The following PRKG1 variants were observed in gnomAD, a reference collection of about 807,000 sequenced individuals.
The protein encoded by PRKG1 is cGMP-dependent protein kinase 1.
PRKG1 carries 35 observed loss-of-function variants against 88.1 expected under a neutral mutation model. The ratio of observed to expected loss-of-function variants is 0.40; its 90% CI spans 0.30 to 0.53. The LOEUF is 0.53. Ranked by LOEUF, PRKG1 falls within the 20% of genes least tolerant of loss-of-function variation. PRKG1 has a pLI of 0.59. For synonymous variants in PRKG1, 303 were observed against 292.5 expected, an observed-to-expected ratio of 1.04 and a Z score of -0.37; for missense variants, 540 against 839.8, an observed-to-expected ratio of 0.64 and a Z score of 4.41.
chr10:51,262,391 A>G (rs181515865), intron 2 of PRKG1, among the ~76,000 whole-genome samples: 1 of 152,274 alleles, frequency 6.6e-6, no homozygotes, highest in East Asian at 1.9e-4. Flanking sequence ...TGACATCCTT[A>G]TCAAATAATA....
chr10:51,191,127 A>G (rs916711780), intron 2 of PRKG1, among the ~76,000 whole-genome samples: 9 of 151,880 alleles, frequency 5.9e-5, no homozygotes, highest in African/African-American at 2.2e-4. Context: ...TGAATCTCTG[A>G]CCATCCAGAT....
intron 3 of PRKG1, among the ~76,000 whole-genome samples, chr10:51,589,228 A>G (rs937054838): frequency 6.6e-6 from 1 of 152,176 alleles, no homozygotes; most frequent in Non-Finnish European, 1.5e-5. Flanking sequence ...AGGCTACAAG[A>G]CAAAACAAAC....
At chr10:50,998,706 C>T (rs1480624504) in intron 1 of PRKG1, among the ~76,000 whole-genome samples, 4 of 152,194 alleles carry the variant, frequency 2.6e-5, no homozygotes, top group African/African-American at 9.7e-5. Context: ...CAAGATCGTG[C>T]CCCTGCACTC....
intron 8 of PRKG1, among the ~76,000 whole-genome samples, chr10:52,154,891 T>C (rs1838047634): frequency 6.6e-6 from 1 of 152,218 alleles, no homozygotes; most frequent in African/African-American, 2.4e-5. Context: ...TGAGACATGA[T>C]ATTTGGCTTT....
chr10:51,190,305 G>T (rs1219625997), intron 2 of PRKG1, among the ~76,000 whole-genome samples: 1 of 151,888 alleles, frequency 6.6e-6, no homozygotes, highest in Non-Finnish European at 1.5e-5. Flanking sequence ...GATGGATTAT[G>T]AAAATTATTG....
chr10:51,648,062 A>G (rs1839957280), intron 3 of PRKG1, among the ~76,000 whole-genome samples: 1 of 151,448 alleles, frequency 6.6e-6, no homozygotes, highest in Non-Finnish European at 1.5e-5. Flanking sequence ...ACACACACAC[A>G]CACATATGTA....
chr10:52,075,303 G>T (rs561798972), intron 7 of PRKG1, among the ~76,000 whole-genome samples: 1 of 152,120 alleles, frequency 6.6e-6, no homozygotes, highest in Non-Finnish European at 1.5e-5. Context: ...GTTGTAAGAC[G>T]CAGTATTATT....
chr10:51,217,240 A>G (rs1838396136), intron 2 of PRKG1, among the ~76,000 whole-genome samples: 1 of 152,182 alleles, frequency 6.6e-6, no homozygotes, highest in Non-Finnish European at 1.5e-5. Flanking sequence ...ACCTGGAAAT[A>G]TTCTCTGAGT....
At chr10:51,970,716 AT>A (rs1564733832) in intron 5 of PRKG1, among the ~76,000 whole-genome samples, 3 of 124,440 alleles carry the variant, frequency 2.4e-5, no homozygotes, top group African/African-American at 1.4e-4. Context: ...CATCTGATAT[AT>A]ATATATCAGA....
intron 2 of PRKG1, among the ~76,000 whole-genome samples, chr10:51,165,049 G>T (rs535022640): frequency 0.014 from 2,134 of 152,074 alleles, 24 homozygotes; most frequent in Middle Eastern, 0.088. Context: ...TACAGAGAAC[G>T]CCACAAAGAT....
intron 3 of PRKG1, among the ~76,000 whole-genome samples, chr10:51,500,161 A>G (rs1440862411): frequency 6.6e-6 from 1 of 152,088 alleles, no homozygotes; most frequent in Middle Eastern, 3.2e-3. Context: ...TTTCTTCAGC[A>G]TTTGCTTTTT....
At chr10:51,984,764 A>C (rs1844109058) in intron 5 of PRKG1, among the ~76,000 whole-genome samples, 1 of 152,192 alleles carries the variant, frequency 6.6e-6, no homozygotes, top group African/African-American at 2.4e-5. Context: ...ATGCTGCTTG[A>C]GTTTTTTAGT....
intron 2 of PRKG1, among the ~76,000 whole-genome samples, chr10:51,262,865 G>A (rs1839747769): frequency 6.6e-6 from 1 of 151,400 alleles, no homozygotes; most frequent in Non-Finnish European, 1.5e-5. Context: ...CTGGCCCCAT[G>A]ATCCAATCGC....
intron 3 of PRKG1, among the ~76,000 whole-genome samples, chr10:51,796,997 G>A (rs1018135184): frequency 6.6e-6 from 1 of 151,960 alleles, no homozygotes; most frequent in African/African-American, 2.4e-5. Context: ...GGGAGTTTTA[G>A]AAGACAAATA....
intron 10 of PRKG1, among the ~76,000 whole-genome samples, chr10:52,267,452 CATG>C (rs1841605119): frequency 6.6e-6 from 1 of 151,856 alleles, no homozygotes; most frequent in Non-Finnish European, 1.5e-5. Context: ...CAAGTTTTTT[CATG>C]ATGAGAGTTT....
rs113014097 is a variant in PRKG1, at chr10:51,739,321, A to C, written c.593-65264A>C. The stretch of plus-strand genomic sequence containing the variant: ...GATTTGCTTCCCAAAACTCCTAGCT[A>C]TATTTCCCTCCTAATGTCAAACCTA... On this transcript the variant is annotated intron_variant, in intron 3 of 17. Coordinates refer to ENST00000373980, the MANE Select transcript of PRKG1 (RefSeq NM_006258.4). Among the ~76,000 whole-genome samples, 640 of 152,252 alleles carry C rather than the reference A, an allele frequency of 4.2e-3. 5 individuals are homozygous for C. Among genetic ancestry groups the C allele is most frequent in the Middle Eastern group, 0.017 (5 of 294 alleles).
At chr10:51,718,105 C>G (rs1036338673) in intron 3 of PRKG1, among the ~76,000 whole-genome samples, 1 of 152,116 alleles carries the variant, frequency 6.6e-6, no homozygotes, top group East Asian at 1.9e-4. Context: ...CTAGAGTTTA[C>G]ATTCAAGTGG....
chr10:52,172,024 G>C (rs377738645), intron 9 of PRKG1, among the ~76,000 whole-genome samples: 10 of 150,402 alleles, frequency 6.6e-5, no homozygotes, highest in Non-Finnish European at 1.2e-4. Context: ...GGATGGTCTC[G>C]ATCTCCTGAC....
chr10:51,294,312 GTTTCTTATGT>G (rs751934413), intron 2 of PRKG1, among the ~76,000 whole-genome samples: 24 of 151,964 alleles, frequency 1.6e-4, no homozygotes, highest in Non-Finnish European at 2.8e-4. Context: ...CAAGAAGCTT[GTTTCTTATGT>G]TTTCTTCTAG....
Sources: gnomAD v4.1 joint callset for allele counts (sites outside exome capture counted in the v4.1 genomes callset) on GRCh38, gnomAD v4.1.1 for gene constraint, MANE v1.5 for transcripts, NCBI Gene and HGNC (gene_info 2026-07-23, HGNC 2026-07-21) for gene names.